The following TBC1D5 variants were observed in gnomAD, a reference collection of about 807,000 sequenced individuals.
The protein encoded by TBC1D5 is TBC1 domain family, member 5.
A neutral mutation model predicts 100.3 loss-of-function variants in TBC1D5; 75 were observed. The observed-to-expected ratio is 0.75, with a 90% CI of 0.62 to 0.91. The LOEUF is 0.91. TBC1D5 is among the 40% of genes least tolerant of loss of function. The pLI is 0.00. For synonymous variants in TBC1D5, 323 were observed against 325.6 expected, an observed-to-expected ratio of 0.99 and a Z score of 0.09; for missense variants, 910 against 942.4, an observed-to-expected ratio of 0.97 and a Z score of 0.45.
intron 3 of TBC1D5, among the ~76,000 whole-genome samples, chr3:17,479,741 G>A (rs550691143): frequency 1.4e-4 from 22 of 152,190 alleles, no homozygotes; most frequent in Non-Finnish European, 2.9e-4. Flanking sequence ...AGGAGACGGA[G>A]GCAGGAAGAT....
At chr3:17,720,026 T>C (rs532765053) in intron 1 of TBC1D5, among the ~76,000 whole-genome samples, 2 of 152,296 alleles carry the variant, frequency 1.3e-5, no homozygotes, top group South Asian at 4.1e-4. Context: ...TACACAAAAA[T>C]TTGCTCTGCT....
intron 2 of TBC1D5, among the ~76,000 whole-genome samples, chr3:17,569,163 G>T (rs1183513253): frequency 6.6e-6 from 1 of 151,838 alleles, no homozygotes; most frequent in African/African-American, 2.4e-5. Flanking sequence ...TCTGCAAACA[G>T]AGAATAATCA....
chr3:17,158,240 A>AGAT (rs1420187948), exon 22 of TBC1D5: 3 of 152,262 alleles, frequency 2.0e-5, no homozygotes, highest in Admixed American at 2.0e-4. Context: ...TAAAAACAGG[A>AGAT]GATGATGATG....
intron 2 of TBC1D5, chr3:17,622,554 A>C (rs781663042): frequency 6.6e-6 from 1 of 152,054 alleles, no homozygotes; most frequent in African/African-American, 2.4e-5. Context: ...CACATGTTAA[A>C]GGAAAAAAAT....
chr3:17,285,412 T>C lies in TBC1D5; in HGVS notation c.1245+6483A>G, dbSNP rs561385368. 9.7e-3 allele frequency among the ~76,000 whole-genome samples: 1,465 copies of C among 150,646 alleles called. 27 individuals carry two copies. The highest frequency in any genetic ancestry group is 0.033 in the African/African-American group (1,354 of 40,956). On this transcript the variant is annotated intron_variant, in intron 15 of 21. Coordinates refer to ENST00000253692, the Ensembl canonical transcript of TBC1D5. ...AGTAGCTGGGACTACAGGCGCCCGC[T>C]ACCACGCCCGGCTAATTTTTTGTAT...
intron 15 of TBC1D5, among the ~76,000 whole-genome samples, chr3:17,289,505 A>T (rs1227978600): frequency 6.6e-6 from 1 of 151,936 alleles, no homozygotes. Flanking sequence ...GTGATGGTGG[A>T]CACCTGTAGT....
At chr3:17,384,719 A>C (rs2093082323) in intron 8 of TBC1D5, among the ~76,000 whole-genome samples, 1 of 152,114 alleles carries the variant, frequency 6.6e-6, no homozygotes. Flanking sequence ...ATATGAAGGC[A>C]CAGAAGGCAA....
In TBC1D5 at chr3:17,383,880, C is replaced by A. The variant is rs780670239; in HGVS notation, c.612+33G>T. The A allele has an allele frequency of 2.6e-6, 4 of 1,539,176 alleles. No homozygotes were observed. The South Asian group carries it at 3.7e-5, about 14-fold the overall frequency. On this transcript the variant is annotated intron_variant, in intron 9 of 21. Transcript: ENST00000253692. ...TCAAGCTGTATAGAAAATTTTGAGT[C>A]AATGGATGCCACCTGTAAGATATTT... is the stretch of plus-strand genomic sequence containing the variant.
intron 3 of TBC1D5, among the ~76,000 whole-genome samples, chr3:17,477,500 A>G (rs57201363): frequency 0.091 from 13,874 of 152,000 alleles, 1,428 homozygotes; most frequent in African/African-American, 0.26. Context: ...GTCTGGGATT[A>G]TAATTATTTA....
intron 8 of TBC1D5, among the ~76,000 whole-genome samples, chr3:17,400,434 A>G (rs934985101): frequency 6.6e-6 from 1 of 152,162 alleles, no homozygotes; most frequent in African/African-American, 2.4e-5. Context: ...AATAAGACTA[A>G]CCGCCTTACC....
chr3:17,190,292 GA>G (rs2069705271), intron 18 of TBC1D5, among the ~76,000 whole-genome samples: 1 of 152,222 alleles, frequency 6.6e-6, no homozygotes, highest in Non-Finnish European at 1.5e-5. Context: ...AGAGGTACAA[GA>G]TAAGTTCTGT....
chr3:17,700,637 AAAAC>A (rs1454231569), intron 1 of TBC1D5, among the ~76,000 whole-genome samples: 5 of 152,186 alleles, frequency 3.3e-5, no homozygotes, highest in Admixed American at 6.5e-5. Context: ...TTACAAGAAA[AAAAC>A]AAACAACCCC....
chr3:17,223,702 A>AT (rs1355846837), intron 17 of TBC1D5, among the ~76,000 whole-genome samples: 1 of 152,140 alleles, frequency 6.6e-6, no homozygotes, highest in Non-Finnish European at 1.5e-5. Context: ...CTCTACAAAA[A>AT]ATATATAAAT....
At chr3:17,161,759 C>G (rs577078114) in intron 21 of TBC1D5, among the ~76,000 whole-genome samples, 1 of 152,308 alleles carries the variant, frequency 6.6e-6, no homozygotes, top group Admixed American at 6.5e-5. Flanking sequence ...TGTGAGCTGC[C>G]AGATCTGGAG....
intron 16 of TBC1D5, among the ~76,000 whole-genome samples, chr3:17,246,714 C>G (rs1009351529): frequency 6.6e-6 from 1 of 152,178 alleles, no homozygotes; most frequent in Non-Finnish European, 1.5e-5. Flanking sequence ...TCAACCTTTA[C>G]CTCATTTTAC....
intron 3 of TBC1D5, among the ~76,000 whole-genome samples, chr3:17,454,086 C>T (rs555863665): frequency 2.6e-5 from 4 of 152,206 alleles, no homozygotes; most frequent in African/African-American, 7.2e-5. Context: ...CCAGGATAAA[C>T]GCCTTTAAAA....
intron 3 of TBC1D5, among the ~76,000 whole-genome samples, chr3:17,505,053 ATT>A (rs960707060): frequency 6.6e-6 from 1 of 152,116 alleles, no homozygotes; most frequent in Admixed American, 6.6e-5. Context: ...AACATCTTGG[ATT>A]TTTTTTAAGT....
intron 8 of TBC1D5, among the ~76,000 whole-genome samples, chr3:17,385,396 T>C (rs1010066372): frequency 8.5e-5 from 13 of 152,150 alleles, no homozygotes; most frequent in Non-Finnish European, 1.9e-4. Flanking sequence ...AATGAGTCTT[T>C]TAAGAGCAGT....
At chr3:17,498,654 T>G (rs2150740585) in intron 3 of TBC1D5, among the ~76,000 whole-genome samples, 1 of 152,324 alleles carries the variant, frequency 6.6e-6, no homozygotes, top group Non-Finnish European at 1.5e-5. Context: ...TCTACAAATG[T>G]AATGTAGACT....
Sources: gnomAD v4.1 joint callset for allele counts (sites outside exome capture counted in the v4.1 genomes callset) on GRCh38, gnomAD v4.1.1 for gene constraint, MANE v1.5 for transcripts, NCBI Gene and HGNC (gene_info 2026-07-23, HGNC 2026-07-21) for gene names.